Variants in RUNX1 observed in about 807,000 individuals in gnomAD.
RUNX1 encodes the protein RUNX family transcription factor 1.
In RUNX1, 19 loss-of-function variants were observed where a neutral mutation model predicts 42.8. The ratio of observed to expected loss-of-function variants is 0.44; its 90% CI spans 0.31 to 0.65. The LOEUF is 0.65. Among genes scored for constraint, RUNX1 ranks in the 30% least tolerant of loss-of-function variants. RUNX1 has a pLI of 0.07. For synonymous variants in RUNX1, 271 were observed against 289.4 expected (o/e 0.94, Z 0.64); for missense variants, 528 against 672.0 (o/e 0.79, Z 2.37).
chr21:34,808,502 G>A (rs1264963961), intron 7 of RUNX1, among the ~76,000 whole-genome samples: 2 of 152,142 alleles, frequency 1.3e-5, no homozygotes, highest in African/African-American at 4.8e-5. Flanking sequence ...AAGAATGCTG[G>A]TTCCTCACAT....
At position 34,859,751 on chromosome 21, in the gene RUNX1, T is replaced by C. The variant is rs112230747; in HGVS notation, c.509-173A>G. ...ATTCTGGAATACACACCTATGATAG[T>C]TGCCTAAGTGTAACACTTCACATAG... On this transcript the variant is annotated intron_variant, in intron 5 of 8. Transcript: ENST00000675419. 1.8e-3 allele frequency among the ~76,000 whole-genome samples: 273 copies of C among 152,350 alleles called. 2 individuals are homozygous for C. Among genetic ancestry groups the C allele is most frequent in the African/African-American group, 6.3e-3 (262 of 41,570 alleles).
intron 5 of RUNX1, among the ~76,000 whole-genome samples, chr21:34,876,562 C>T (rs934653271): frequency 1.3e-5 from 2 of 151,958 alleles, no homozygotes; most frequent in Non-Finnish European, 2.9e-5. Flanking sequence ...TAAGTGAACA[C>T]GTGCATTTTT....
chr21:34,808,374 T>C (rs1156419446), intron 7 of RUNX1, among the ~76,000 whole-genome samples: 2 of 152,114 alleles, frequency 1.3e-5, no homozygotes, highest in African/African-American at 4.8e-5. Flanking sequence ...GCAGGCTGCC[T>C]GCGGGAAGGA....
At chr21:34,911,388 A>G (rs542258992) in intron 2 of RUNX1, among the ~76,000 whole-genome samples, 1 of 152,318 alleles carries the variant, frequency 6.6e-6, no homozygotes, top group African/African-American at 2.4e-5. Context: ...GAGATCTTAC[A>G]TACATGAGGA....
chr21:35,045,681 G>T (rs2059390933), intron 2 of RUNX1, among the ~76,000 whole-genome samples: 1 of 152,112 alleles, frequency 6.6e-6, no homozygotes, highest in Admixed American at 6.5e-5. Context: ...AATTTCTGTG[G>T]CTTAAGCCTG....
chr21:34,909,198 C>G (rs1252884006), intron 2 of RUNX1, among the ~76,000 whole-genome samples: 1 of 151,948 alleles, frequency 6.6e-6, no homozygotes, highest in African/African-American at 2.4e-5. Flanking sequence ...GTGTTCACTC[C>G]CGTGTGCAGT....
chr21:34,915,635 C>G (rs2058306719), intron 2 of RUNX1, among the ~76,000 whole-genome samples: 1 of 152,172 alleles, frequency 6.6e-6, no homozygotes, highest in African/African-American at 2.4e-5. Flanking sequence ...CTACTTTGAT[C>G]ATGTATTTTA....
chr21:34,951,213 C>T (rs568151441), intron 2 of RUNX1, among the ~76,000 whole-genome samples: 9 of 152,260 alleles, frequency 5.9e-5, no homozygotes, highest in African/African-American at 1.4e-4. Context: ...TAAAAGTCGG[C>T]GAGAGGTGGA....
At chr21:35,029,328 C>T (rs2059257587) in intron 2 of RUNX1, among the ~76,000 whole-genome samples, 1 of 152,220 alleles carries the variant, frequency 6.6e-6, no homozygotes, top group Non-Finnish European at 1.5e-5. Context: ...AGTTCTGATC[C>T]TAACACAGCT....
At chr21:34,851,866 C>G (rs1384349793) in intron 6 of RUNX1, among the ~76,000 whole-genome samples, 1 of 152,152 alleles carries the variant, frequency 6.6e-6, no homozygotes, top group African/African-American at 2.4e-5. Context: ...CAAATGCCAT[C>G]TTAGAAAATC....
At chr21:34,912,583 G>C (rs899461469) in intron 2 of RUNX1, among the ~76,000 whole-genome samples, 4 of 152,204 alleles carry the variant, frequency 2.6e-5, no homozygotes, top group Admixed American at 6.5e-5. Flanking sequence ...CAGAAACACA[G>C]CAAGGAAGAC....
At chr21:34,837,858 A>G (rs558364832) in intron 6 of RUNX1, among the ~76,000 whole-genome samples, 4 of 152,362 alleles carry the variant, frequency 2.6e-5, no homozygotes, top group Admixed American at 2.6e-4. Flanking sequence ...GGACATCTTA[A>G]TCTTAAGCAG....
chr21:34,917,790 C>T (rs989841981), intron 2 of RUNX1, among the ~76,000 whole-genome samples: 10 of 152,078 alleles, frequency 6.6e-5, no homozygotes, highest in Non-Finnish European at 1.5e-4. Context: ...TAAGATGGCT[C>T]GTCAGGACCC....
intron 2 of RUNX1, among the ~76,000 whole-genome samples, chr21:35,014,450 C>A (rs2059146074): frequency 2.0e-5 from 3 of 152,154 alleles, no homozygotes; most frequent in African/African-American, 7.2e-5. Flanking sequence ...TCATCTCTAG[C>A]CTTGGGCACA....
At chr21:34,971,094 G>A (rs1432308878) in intron 2 of RUNX1, among the ~76,000 whole-genome samples, 2 of 152,156 alleles carry the variant, frequency 1.3e-5, no homozygotes, top group Non-Finnish European at 2.9e-5. Context: ...CAGGGAGGTC[G>A]AAGAATGTGT....
At position 34,887,057 on chromosome 21, in the gene RUNX1, G is replaced by A; in HGVS notation, c.137C>T (p.Ala46Val). 1.3e-6 allele frequency: 2 copies of A among 1,599,960 alleles called. No individual in the cohort carries two copies. The highest frequency in any genetic ancestry group is 1.7e-6 in the Non-Finnish European group (2 of 1,179,888). ...TSRRFTPPST[A>V]LSPGKMSEAL... ...CTCGCTCATCTTGCCTGGGCTCAGCGCGGTGGAAGGCGGCGTGAAGCGGCG... is the reference window on the plus strand; with the variant it reads ...CTCGCTCATCTTGCCTGGGCTCAGCACGGTGGAAGGCGGCGTGAAGCGGCG... The change falls in exon 4 of 9, where the codon GCG (alanine) becomes GTG (valine). Residue 46 changes from alanine to valine, a missense_variant. By Grantham distance (64) the Ala-to-Val change is moderately conservative. Coordinates refer to ENST00000675419, the MANE Select transcript of RUNX1 (RefSeq NM_001754.5).
At chr21:34,999,745 T>C (rs1201586249) in intron 2 of RUNX1, among the ~76,000 whole-genome samples, 1 of 152,232 alleles carries the variant, frequency 6.6e-6, no homozygotes, top group Non-Finnish European at 1.5e-5. Context: ...GTGGAAGACC[T>C]GGCTCCCTCT....
intron 2 of RUNX1, among the ~76,000 whole-genome samples, chr21:35,016,508 G>C (rs1234167276): frequency 6.6e-6 from 1 of 152,116 alleles, no homozygotes; most frequent in African/African-American, 2.4e-5. Flanking sequence ...CTAAGATGAG[G>C]GACTGCATAT....
intron 2 of RUNX1, among the ~76,000 whole-genome samples, chr21:34,961,764 G>T (rs942195097): frequency 3.3e-5 from 5 of 152,132 alleles, no homozygotes; most frequent in African/African-American, 1.2e-4. Flanking sequence ...GAAGAGGGAG[G>T]ACCAGGCATA....
Sources: gnomAD v4.1 joint callset for allele counts (sites outside exome capture counted in the v4.1 genomes callset) on GRCh38, gnomAD v4.1.1 for gene constraint, MANE v1.5 for transcripts, NCBI Gene and HGNC (gene_info 2026-07-23, HGNC 2026-07-21) for gene names.